ERCC6L2: variants seen among roughly 807,000 people sequenced by gnomAD.
The protein encoded by ERCC6L2 is DNA excision repair protein ERCC-6-like 2.
Under a neutral mutation model 132.0 loss-of-function variants are expected in ERCC6L2, and 77 were observed. The observed-to-expected ratio is 0.58, with a 90% CI of 0.49 to 0.71. ERCC6L2 has a LOEUF of 0.71. Among genes scored for constraint, ERCC6L2 ranks in the 30% least tolerant of loss-of-function variants. The pLI, the probability that ERCC6L2 is intolerant of heterozygous loss-of-function variation, is 0.00. For synonymous variants in ERCC6L2, 583 were observed against 632.4 expected (o/e 0.92, Z 1.17); for missense variants, 1,542 against 1,837.6 (o/e 0.84, Z 2.94).
intron 19 of ERCC6L2, among the ~76,000 whole-genome samples, chr9:96,029,956 CTCT>C (rs1464724820): frequency 6.6e-6 from 1 of 152,188 alleles, no homozygotes; most frequent in East Asian, 1.9e-4. Flanking sequence ...CAGCCACCTC[CTCT>C]ATTTAGCTTT....
At chr9:95,916,873 CAG>C (rs1829622797) in intron 6 of ERCC6L2, among the ~76,000 whole-genome samples, 1 of 151,940 alleles carries the variant, frequency 6.6e-6, no homozygotes, top group Non-Finnish European at 1.5e-5. Context: ...TTAGTAGAGA[CAG>C]GGTTTCGCCA....
intron 17 of ERCC6L2, among the ~76,000 whole-genome samples, chr9:95,987,970 T>C (rs779491617): frequency 7.2e-5 from 11 of 152,230 alleles, no homozygotes; most frequent in Non-Finnish European, 1.5e-4. Flanking sequence ...CTGCCAAGGC[T>C]TGGGGCTTGC....
intron 19 of ERCC6L2, among the ~76,000 whole-genome samples, chr9:96,034,716 G>T (rs527778796): frequency 6.6e-6 from 1 of 150,734 alleles, no homozygotes. Context: ...GAATTCCCTG[G>T]GTGCTGCTGC....
At chr9:95,968,114 C>G (rs1832246511) in intron 14 of ERCC6L2, 1 of 151,926 alleles carries the variant, frequency 6.6e-6, no homozygotes, top group Non-Finnish European at 1.5e-5. Context: ...GCCTGGGGAA[C>G]AAAGCAAGAG....
chr9:95,971,146 T>C (rs946866593), intron 15 of ERCC6L2, among the ~76,000 whole-genome samples: 7 of 152,054 alleles, frequency 4.6e-5, no homozygotes, highest in African/African-American at 1.7e-4. Context: ...GTAAAAAACA[T>C]GTGTGGAAGG....
At position 95,886,868 on chromosome 9, in the gene ERCC6L2, A is replaced by G. The variant is rs111536190; in HGVS notation, c.471+5575A>G. On this transcript the variant is annotated intron_variant, in intron 2 of 18. Coordinates refer to ENST00000653738, the MANE Select transcript of ERCC6L2 (RefSeq NM_020207.7). ...TCTTATCAGCTGCCAGCGTGGCTAG[A>G]AGTAAGCAGGCAGAAAAATGTGAAG... Among the ~76,000 whole-genome samples the G allele has an allele frequency of 7.6e-3, 1,158 of 152,276 alleles. 23 individuals are homozygous for G. The highest frequency in any genetic ancestry group is 0.027 in the African/African-American group (1,125 of 41,560).
At chr9:96,027,335 G>C (rs1035275006) in intron 19 of ERCC6L2, among the ~76,000 whole-genome samples, 2 of 152,164 alleles carry the variant, frequency 1.3e-5, no homozygotes, top group Non-Finnish European at 2.9e-5. Context: ...CTGGGGAACC[G>C]GGAAGGCTGA....
Position 95,962,762 on chromosome 9 carries a change from C to G in ERCC6L2, c.1948-3800C>G, listed in dbSNP as rs78497213. ...TGTATGAAGTATGTTCCTCTACTTA[C>G]GATGGGGCCACATCCAGATAAGCCT... On this transcript the variant is annotated intron_variant, in intron 13 of 18. Coordinates refer to ENST00000653738, the MANE Select transcript of ERCC6L2 (RefSeq NM_020207.7). Among the ~76,000 whole-genome samples, 3 of 152,134 alleles carry G rather than the reference C, an allele frequency of 2.0e-5. No homozygotes were observed. The East Asian group carries it at 5.8e-4, about 29-fold the overall frequency.
chr9:95,923,272 A>G lies in ERCC6L2; in HGVS notation c.1426A>G (p.Lys476Glu). The change falls in exon 9 of 19, where the codon AAA (lysine) becomes GAA (glutamate). Residue 476 changes from lysine to glutamate, a missense_variant. Lys to Glu is a moderately conservative substitution (Grantham distance 56, BLOSUM62 1). This residue lies in a region of ERCC6L2 where 945 missense variants were observed against 1,105.2 expected (regional missense o/e 0.86). Transcript: ENST00000653738. ...TTTTCCCTTCAAGGAAACACTTATC[A>G]AAAGGATATGTGATCAGGTATTTTC... ...STSKQQETLIKRICDQVFSRF... is the reference protein window; with the variant it reads ...STSKQQETLIERICDQVFSRF... 6.2e-7 allele frequency: 1 copy of G among 1,613,466 alleles called. No individual in the cohort carries two copies. Among genetic ancestry groups the G allele is most frequent in the Admixed American group, 1.7e-5 (1 of 60,020 alleles).
At chr9:95,907,002 T>C (rs572354285) in intron 3 of ERCC6L2, 76 bp from the exon 4 acceptor site, 8 of 973,464 alleles carry the variant, frequency 8.2e-6, no homozygotes, top group Admixed American at 2.4e-5. Flanking sequence ...ACTATTGATA[T>C]TGATATTGTG....
chr9:95,882,173 AG>A (rs1827632088), intron 2 of ERCC6L2, among the ~76,000 whole-genome samples: 1 of 152,228 alleles, frequency 6.6e-6, no homozygotes, highest in Non-Finnish European at 1.5e-5. Context: ...GAGAGCAAGT[AG>A]GAGGGCAAGA....
intron 2 of ERCC6L2, among the ~76,000 whole-genome samples, chr9:95,884,802 ATATTTACC>A (rs1827778251): frequency 1.3e-5 from 2 of 152,202 alleles, no homozygotes; most frequent in Admixed American, 1.3e-4. Context: ...GAAAGAACGT[ATATTTACC>A]TCTTTAAGAA....
At chr9:95,907,342 T>G in intron 4 of ERCC6L2, 71 bp downstream of exon 4, 1 of 1,067,128 alleles carries the variant, frequency 9.4e-7, no homozygotes, top group Admixed American at 3.5e-5. Flanking sequence ...TTAAGAGTTT[T>G]TTTTTTTTTT....
At chr9:95,936,461 C>T (rs181511626) in intron 11 of ERCC6L2, among the ~76,000 whole-genome samples, 100 of 152,270 alleles carry the variant, frequency 6.6e-4, no homozygotes, top group African/African-American at 2.2e-3. Context: ...ACCCTGACTG[C>T]CTGTCTTGTG....
chr9:95,972,121 A>G lies in ERCC6L2; in HGVS notation c.2370A>G (p.Leu790=), dbSNP rs1268769217. The change falls in exon 16 of 19, where the codon TTA becomes TTG. Residue 790 remains leucine, a synonymous_variant. Coordinates refer to ENST00000653738, the MANE Select transcript of ERCC6L2 (RefSeq NM_020207.7). ...CCAGCTCTCCAGGACAGCTTACCTT[A>G]CTCCAGTGTGGTTTCTCGAAATTGC... ...KASSSPGQLT[L]LQCGFSKLLE... 3 of 1,304,242 alleles carry G rather than the reference A, an allele frequency of 2.3e-6. No individual in the cohort carries two copies. 80.8% of individuals were successfully genotyped at this position (1,304,242 alleles called of 1,614,324 possible).
At chr9:95,922,980 G>A (rs1209065862) in intron 8 of ERCC6L2, among the ~76,000 whole-genome samples, 1 of 152,038 alleles carries the variant, frequency 6.6e-6, no homozygotes, top group Non-Finnish European at 1.5e-5. Context: ...TTCTTTGATA[G>A]TACTCTTTAC....
At chr9:95,878,048 A>C (rs530148451) in intron 1 of ERCC6L2, among the ~76,000 whole-genome samples, 111 of 152,328 alleles carry the variant, frequency 7.3e-4, no homozygotes, top group African/African-American at 2.7e-3. Flanking sequence ...CCTACGCTAA[A>C]TAGGTGGACT....
At position 96,017,266 on chromosome 9, in the gene ERCC6L2, G is replaced by A. The variant is rs1350699542; in HGVS notation, c.*4063G>A. Reference sequence around the variant, plus strand: ...CGGCTGGCTCCACTTGGTATTTGTTGCAGGAGGGAAGAACATCTCACTTTT... The same window carrying A: ...CGGCTGGCTCCACTTGGTATTTGTTACAGGAGGGAAGAACATCTCACTTTT... On this transcript the variant is annotated 3_prime_UTR_variant, in exon 19 of 19. Coordinates refer to ENST00000653738, the MANE Select transcript of ERCC6L2 (RefSeq NM_020207.7). Among the ~76,000 whole-genome samples the A allele has an allele frequency of 6.6e-6, 1 of 152,156 alleles. No individual in the cohort carries two copies. Among genetic ancestry groups the A allele is most frequent in the African/African-American group, 2.4e-5 (1 of 41,418 alleles).
rs142567446 is a variant in ERCC6L2, at chr9:95,986,059, G to A, written c.3492+7844G>A. ...TCTGCTGATTGAACTCCTACCCCTTGTATCATCTGTGACAGCTCTCCCCCA... is the reference window on the plus strand; with the variant it reads ...TCTGCTGATTGAACTCCTACCCCTTATATCATCTGTGACAGCTCTCCCCCA... On this transcript the variant is annotated intron_variant, in intron 17 of 18. Coordinates refer to ENST00000653738, the MANE Select transcript of ERCC6L2 (RefSeq NM_020207.7). Among the ~76,000 whole-genome samples, 433 of 152,156 alleles carry A rather than the reference G, an allele frequency of 2.8e-3. 2 individuals are homozygous for A. Among genetic ancestry groups the A allele is most frequent in the African/African-American group, 0.01 (416 of 41,494 alleles).
Sources: allele counts gnomAD v4.1 joint callset (sites outside exome capture counted in the v4.1 genomes callset), GRCh38; gene constraint gnomAD v4.1.1; regional missense constraint gnomAD v4.1.1; transcripts MANE v1.5; gene names NCBI Gene and HGNC (gene_info 2026-07-23, HGNC 2026-07-21).